The following MAN1A1 variants were observed in gnomAD, a reference collection of about 807,000 sequenced individuals.
MAN1A1 encodes the protein mannosidase alpha class 1A member 1, also known as mannosyl-oligosaccharide 1,2-alpha-mannosidase IA.
Under a neutral mutation model 70.8 loss-of-function variants are expected in MAN1A1, and 29 were observed. The observed-to-expected ratio is 0.41, with a 90% CI of 0.31 to 0.56. MAN1A1 has a LOEUF of 0.56. MAN1A1 is among the 20% of genes least tolerant of loss of function. MAN1A1 has a pLI of 0.29. For synonymous variants in MAN1A1, 349 were observed against 330.1 expected, an observed-to-expected ratio of 1.06 and a Z score of -0.62; for missense variants, 747 against 841.3, an observed-to-expected ratio of 0.89 and a Z score of 1.39.
chr6:119,299,034 T>G (rs1238194959), intron 4 of MAN1A1, among the ~76,000 whole-genome samples: 1 of 151,942 alleles, frequency 6.6e-6, no homozygotes, highest in East Asian at 1.9e-4. Flanking sequence ...TTTTTTTTGC[T>G]AAGGCTTTTT....
At chr6:119,190,482 T>A (rs1259905011) in intron 9 of MAN1A1, among the ~76,000 whole-genome samples, 1 of 152,198 alleles carries the variant, frequency 6.6e-6, no homozygotes, top group African/African-American at 2.4e-5. Context: ...TCCTAATCCA[T>A]AAATGGGAAC....
chr6:119,190,770 T>C (rs1773420139), intron 9 of MAN1A1, among the ~76,000 whole-genome samples: 1 of 152,250 alleles, frequency 6.6e-6, no homozygotes, highest in South Asian at 2.1e-4. Flanking sequence ...CCCAGGTCTG[T>C]TGATATTCTC....
At chr6:119,229,784 A>G (rs1279052328) in intron 6 of MAN1A1, among the ~76,000 whole-genome samples, 1 of 152,192 alleles carries the variant, frequency 6.6e-6, no homozygotes, top group Non-Finnish European at 1.5e-5. Context: ...ATATGTACAT[A>G]TATCTGCCCG....
chr6:119,232,921 A>G (rs1423534041), intron 6 of MAN1A1, among the ~76,000 whole-genome samples: 1 of 152,170 alleles, frequency 6.6e-6, no homozygotes, highest in Non-Finnish European at 1.5e-5. Flanking sequence ...TCCCTTCTTT[A>G]GAAAAACTTG....
At chr6:119,278,468 A>G (rs537218576) in intron 5 of MAN1A1, among the ~76,000 whole-genome samples, 1 of 152,306 alleles carries the variant, frequency 6.6e-6, no homozygotes, top group East Asian at 1.9e-4. Flanking sequence ...TTTACTCAGT[A>G]CATATTTTAG....
chr6:119,313,049 A>G (rs1772753812), intron 2 of MAN1A1, among the ~76,000 whole-genome samples: 1 of 152,088 alleles, frequency 6.6e-6, no homozygotes, highest in Non-Finnish European at 1.5e-5. Context: ...GGTTAAACAG[A>G]TAAGGGAGAA....
At chr6:119,207,732 A>C (rs915776079) in intron 6 of MAN1A1, among the ~76,000 whole-genome samples, 5 of 152,200 alleles carry the variant, frequency 3.3e-5, no homozygotes, top group African/African-American at 7.2e-5. Context: ...AGAATGATGT[A>C]TGGACATGGG....
chr6:119,211,942 A>G (rs1322359601), intron 6 of MAN1A1, among the ~76,000 whole-genome samples: 1 of 151,674 alleles, frequency 6.6e-6, no homozygotes, highest in African/African-American at 2.4e-5. Context: ...CCCAGGTTCA[A>G]GCAATTCTCC....
In MAN1A1 at chr6:119,263,317, C is replaced by T. The variant is rs763686184; in HGVS notation, c.898-14963G>A. On this transcript the variant is annotated intron_variant, in intron 5 of 12. Transcript: ENST00000368468. ...TCTACAGATATATAGTTCTGTCCCT[C>T]TAAGAGCGCCCTAACTAATACAATG... 1.3e-5 allele frequency among the ~76,000 whole-genome samples: 2 copies of T among 151,906 alleles called. 1 individual carries two copies. The highest frequency in any genetic ancestry group is 2.9e-5 in the Non-Finnish European group (2 of 67,956).
chr6:119,206,496 T>C (rs1773864525), intron 6 of MAN1A1, among the ~76,000 whole-genome samples: 1 of 152,034 alleles, frequency 6.6e-6, no homozygotes, highest in Non-Finnish European at 1.5e-5. Flanking sequence ...TAGAGTTTCC[T>C]CCAAAACACT....
chr6:119,232,677 ATATGTGTG>A (rs757732560), intron 6 of MAN1A1, among the ~76,000 whole-genome samples: 52 of 120,326 alleles, frequency 4.3e-4, no homozygotes, highest in Middle Eastern at 3.7e-3. Flanking sequence ...ATACACATAT[ATATGTGTG>A]TGTGTGTGTG....
intron 2 of MAN1A1, among the ~76,000 whole-genome samples, chr6:119,347,552 C>G (rs1773763599): frequency 6.6e-6 from 1 of 152,190 alleles, no homozygotes; most frequent in Admixed American, 6.5e-5. Context: ...GGCATGTCCA[C>G]AGACCGCGTG....
intron 6 of MAN1A1, among the ~76,000 whole-genome samples, chr6:119,242,963 T>TA (rs1226105313): frequency 1.3e-5 from 2 of 151,874 alleles, no homozygotes; most frequent in African/African-American, 2.4e-5. Context: ...ACCCAATATT[T>TA]AAAAAAAATC....
chr6:119,314,968 C>T (rs191566805), intron 2 of MAN1A1, among the ~76,000 whole-genome samples: 10 of 152,190 alleles, frequency 6.6e-5, no homozygotes, highest in African/African-American at 2.4e-4. Context: ...ACCATGAATT[C>T]CTCTCCTCAT....
At chr6:119,269,122 C>A in intron 5 of MAN1A1, 1 of 165,990 alleles carries the variant, frequency 6.0e-6, no homozygotes, top group South Asian at 1.3e-4. Context: ...AATAAACAGT[C>A]TTTAGTGGGC....
chr6:119,316,682 CAGT>C (rs1772863533), intron 2 of MAN1A1, among the ~76,000 whole-genome samples: 1 of 152,034 alleles, frequency 6.6e-6, no homozygotes, highest in South Asian at 2.1e-4. Context: ...ATTTTTGCAG[CAGT>C]GACAAAATGA....
intron 5 of MAN1A1, among the ~76,000 whole-genome samples, chr6:119,266,994 A>G (rs1775775548): frequency 6.6e-6 from 1 of 152,256 alleles, no homozygotes; most frequent in Non-Finnish European, 1.5e-5. Context: ...GATGTTCCAC[A>G]TCGCAAATCA....
At chr6:119,183,474 G>GA (rs199850807) in intron 11 of MAN1A1, among the ~76,000 whole-genome samples, 1,799 of 151,938 alleles carry the variant, frequency 0.012, 28 homozygotes, top group African/African-American at 0.041. Context: ...TTAAAAAAAG[G>GA]AAAAAAATCA....
At chr6:119,232,441 G>C (rs1003470097) in intron 6 of MAN1A1, among the ~76,000 whole-genome samples, 18 of 150,884 alleles carry the variant, frequency 1.2e-4, no homozygotes, top group African/African-American at 4.1e-4. Flanking sequence ...AATAGACAGA[G>C]TGATAGCCTA....
Sources: allele counts gnomAD v4.1 joint callset (sites outside exome capture counted in the v4.1 genomes callset), GRCh38; gene constraint gnomAD v4.1.1; transcripts MANE v1.5; gene names NCBI Gene and HGNC (gene_info 2026-07-23, HGNC 2026-07-21).